PLCB4: variants seen among roughly 807,000 people sequenced by gnomAD.
PLCB4 encodes the protein 1-phosphatidylinositol 4,5-bisphosphate phosphodiesterase beta-4.
A neutral mutation model predicts 178.8 loss-of-function variants in PLCB4; 77 were observed. The observed-to-expected ratio is 0.43, with a 90% confidence interval of 0.36 to 0.52. The LOEUF (loss-of-function observed/expected upper bound fraction) is 0.52, where lower values mean the gene tolerates loss of function less well. Among genes scored for constraint, PLCB4 ranks in the 20% least tolerant of loss-of-function variants. The pLI is 0.00. For missense variants in PLCB4, 1,024 were observed against 1,453.4 expected (o/e 0.70, Z 4.80); for synonymous variants, 496 against 490.8 (o/e 1.01, Z -0.14).
In PLCB4 at chr20:9,421,429, G is replaced by A. The variant is rs749394841; in HGVS notation, c.2287G>A (p.Val763Ile). 25 of 1,613,822 alleles carry A rather than the reference G, an allele frequency of 1.5e-5. No individual in the cohort carries two copies. In the East Asian group the frequency reaches 4.0e-4, roughly 26 times the overall value. ...GGTTATGAATAATGGACTCAATCCA[G>A]TTTACAATGAAGAGTCATTTGTATT... ...RMVMNNGLNP[V>I]YNEESFVFRK... Residue 763 changes from valine to isoleucine, a missense_variant, in exon 27 of 40, where the codon GTT (valine) becomes ATT (isoleucine). Around this residue, in one of 7 missense-constraint regions of PLCB4, gnomAD observed 227 missense variants for 374.3 expected, o/e 0.61. Coordinates refer to ENST00000378473, the MANE Select transcript of PLCB4 (RefSeq NM_001377142.1).
chr20:9,473,171 T>C (rs1263304178), intron 37 of PLCB4, 108 bp from the exon 38 acceptor site: 1 of 635,960 alleles, frequency 1.6e-6, no homozygotes. Context: ...TTTTAAAAAA[T>C]TATTATCTCT....
intron 14 of PLCB4, 52 bp downstream of exon 14, chr20:9,384,463 T>TAGAA (rs2037407280): frequency 8.1e-7 from 1 of 1,242,188 alleles, no homozygotes; most frequent in East Asian, 2.3e-5. Flanking sequence ...CCCTTCAGTT[T>TAGAA]AATTTACTTT....
At chr20:9,421,188 A>T in intron 26 of PLCB4, 109 bp from the exon 27 acceptor site, 1 of 783,312 alleles carries the variant, frequency 1.3e-6, no homozygotes, top group Non-Finnish European at 2.0e-6. Flanking sequence ...TAGATAATTG[A>T]AATTCCTGCT....
intron 35 of PLCB4, among the ~76,000 whole-genome samples, chr20:9,465,300 A>G (rs938224131): frequency 6.6e-6 from 1 of 152,250 alleles, no homozygotes; most frequent in South Asian, 2.1e-4. Context: ...AATAAGAGCT[A>G]TTTATGACAA....
At chr20:9,253,795 G>A (rs1403664025) in intron 3 of PLCB4, among the ~76,000 whole-genome samples, 1 of 152,152 alleles carries the variant, frequency 6.6e-6, no homozygotes, top group East Asian at 1.9e-4. Context: ...AGATTTAGAA[G>A]GTGCACATAC....
At chr20:9,431,328 A>G (rs1423972738) in intron 28 of PLCB4, among the ~76,000 whole-genome samples, 4 of 151,852 alleles carry the variant, frequency 2.6e-5, no homozygotes, top group Non-Finnish European at 5.9e-5. Context: ...ATCTAGTAGG[A>G]TCTCATTTCA....
At chr20:9,332,982 G>A (rs1029913514) in intron 4 of PLCB4, among the ~76,000 whole-genome samples, 2 of 152,122 alleles carry the variant, frequency 1.3e-5, no homozygotes, top group Non-Finnish European at 2.9e-5. Context: ...AGGGACTCCT[G>A]CCTTTAGGCA....
intron 2 of PLCB4, among the ~76,000 whole-genome samples, chr20:9,188,524 T>C (rs62194764): frequency 3.5e-3 from 352 of 99,278 alleles, no homozygotes; most frequent in African/African-American, 0.011. Context: ...GGCTGTCATA[T>C]AGTGACATTC....
intron 7 of PLCB4, among the ~76,000 whole-genome samples, chr20:9,361,936 A>G (rs6056575): frequency 0.098 from 14,849 of 152,148 alleles, 1,787 homozygotes; most frequent in African/African-American, 0.28. Flanking sequence ...AAATAGCCAT[A>G]TGTGTCTAGT....
chr20:9,079,287 G>C (rs575882976), intron 1 of PLCB4, among the ~76,000 whole-genome samples: 1 of 152,302 alleles, frequency 6.6e-6, no homozygotes, highest in African/African-American at 2.4e-5. Flanking sequence ...TTGTTAAAGG[G>C]ACCTTTTGCA....
At chr20:9,397,175 C>T (rs750340102) in intron 19 of PLCB4, among the ~76,000 whole-genome samples, 6 of 152,208 alleles carry the variant, frequency 3.9e-5, no homozygotes, top group African/African-American at 9.6e-5. Context: ...TTCAACAATG[C>T]TCACAGTATC....
intron 30 of PLCB4, among the ~76,000 whole-genome samples, chr20:9,442,710 T>A (rs754467026): frequency 1.3e-5 from 2 of 152,096 alleles, no homozygotes; most frequent in African/African-American, 2.4e-5. Context: ...TGCCTTACCC[T>A]GCCTCAGTCA....
chr20:9,167,303 A>G (rs1438247755), intron 2 of PLCB4, among the ~76,000 whole-genome samples: 1 of 152,174 alleles, frequency 6.6e-6, no homozygotes, highest in African/African-American at 2.4e-5. Flanking sequence ...CTTTCTGTGA[A>G]TACTTAAATA....
At chr20:9,171,039 T>G (rs1247210529) in intron 2 of PLCB4, among the ~76,000 whole-genome samples, 2 of 152,214 alleles carry the variant, frequency 1.3e-5, no homozygotes, top group Non-Finnish European at 1.5e-5. Context: ...TTGCTCCTTT[T>G]CACAAATCAC....
At chr20:9,317,944 C>G (rs1211597835) in intron 4 of PLCB4, among the ~76,000 whole-genome samples, 2 of 152,124 alleles carry the variant, frequency 1.3e-5, no homozygotes, top group African/African-American at 2.4e-5. Context: ...ACTAAAAATA[C>G]AAAAATTAGC....
At chr20:9,213,845 C>A (rs1313153134) in intron 2 of PLCB4, among the ~76,000 whole-genome samples, 1 of 152,124 alleles carries the variant, frequency 6.6e-6, no homozygotes, top group Non-Finnish European at 1.5e-5. Flanking sequence ...TTGATTATAG[C>A]TTTTCTAGTG....
At chr20:9,125,452 C>A (rs1343503677) in intron 2 of PLCB4, among the ~76,000 whole-genome samples, 2 of 151,584 alleles carry the variant, frequency 1.3e-5, no homozygotes, top group Non-Finnish European at 2.9e-5. Context: ...ATTTCATTTT[C>A]TTCACCTAAA....
At chr20:9,387,224 T>C (rs1036402478) in intron 14 of PLCB4, among the ~76,000 whole-genome samples, 1 of 152,162 alleles carries the variant, frequency 6.6e-6, no homozygotes, top group Non-Finnish European at 1.5e-5. Flanking sequence ...AGAACCATGA[T>C]GCTTGTTATA....
intron 33 of PLCB4, 84 bp downstream of exon 33, chr20:9,453,546 G>C: frequency 2.8e-6 from 2 of 723,892 alleles, no homozygotes; most frequent in South Asian, 3.7e-5. Flanking sequence ...TTTAGGTCAA[G>C]GAAGAACTTA....
Sources: gnomAD v4.1 joint callset for allele counts (sites outside exome capture counted in the v4.1 genomes callset) on GRCh38, gnomAD v4.1.1 for gene constraint, gnomAD v4.1.1 regional missense constraint, MANE v1.5 for transcripts, NCBI Gene and HGNC (gene_info 2026-07-23, HGNC 2026-07-21) for gene names.